SEC14L1: variants seen among roughly 807,000 people sequenced by gnomAD.
The protein encoded by SEC14L1 is SEC14 like lipid binding 1.
A neutral mutation model predicts 85.3 loss-of-function variants in SEC14L1; 48 were observed. The ratio of observed to expected loss-of-function variants is 0.56; its 90% CI spans 0.45 to 0.72. The LOEUF (loss-of-function observed/expected upper bound fraction) is 0.72. Among genes scored for constraint, SEC14L1 ranks in the 30% least tolerant of loss-of-function variants. The pLI, the probability that SEC14L1 is intolerant of heterozygous loss-of-function variation, is 0.00. For synonymous variants in SEC14L1, 391 were observed against 355.5 expected (o/e 1.10, Z -1.12); for missense variants, 682 against 921.4 (o/e 0.74, Z 3.36).
At chr17:77,133,065 G>T (rs1353738914) in intron 3 of SEC14L1, among the ~76,000 whole-genome samples, 1 of 151,946 alleles carries the variant, frequency 6.6e-6, no homozygotes, top group South Asian at 2.1e-4. Flanking sequence ...TAGAGACAAG[G>T]TCTCACTATG....
intron 3 of SEC14L1, among the ~76,000 whole-genome samples, chr17:77,125,292 C>T (rs115404667): frequency 0.017 from 2,647 of 151,722 alleles, 81 homozygotes; most frequent in African/African-American, 0.061. Context: ...CCACCTTGCC[C>T]GGACAGAATA....
rs184835205 is a variant in SEC14L1 at position 77,216,780 on chromosome 17, C to G, written c.*2757C>G. On this transcript the variant is annotated 3_prime_UTR_variant, in exon 17 of 17. Coordinates refer to ENST00000436233, the MANE Select transcript of SEC14L1 (RefSeq NM_001143998.2). The stretch of plus-strand genomic sequence containing the variant: ...CACAAATGCTTACAGGGTTTCCTCC[C>G]GAGTAATCCAATCTCACTCCCCTTG... The G allele has an allele frequency of 2.6e-6, 2 of 760,834 alleles. No homozygotes were observed. Among genetic ancestry groups the G allele is most frequent in the Non-Finnish European group, 4.1e-6 (2 of 490,258 alleles). The allele number at this position is 760,834 out of a possible 1,614,324, so 47.1% of individuals were successfully genotyped here. A position where few individuals can be genotyped will look rare whatever the true frequency, so the allele number is the denominator to read the frequency against.
Position 77,215,134 on chromosome 17 carries a change from G to C in SEC14L1, c.*1111G>C. 1 of 985,508 alleles carries C rather than the reference G, an allele frequency of 1.0e-6. No individual in the cohort carries two copies. The highest frequency in any genetic ancestry group is 5.2e-4 in the Middle Eastern group (1 of 1,916). The allele number at this position is 985,508 out of a possible 1,614,324, so 61.0% of individuals were successfully genotyped here. A position where few individuals can be genotyped will look rare whatever the true frequency, so the allele number is the denominator to read the frequency against. On this transcript the variant is annotated 3_prime_UTR_variant, in exon 17 of 17. Transcript: ENST00000436233. ...TGGGGGTGCTGGGGGGACGGGGTGAGTGGAAACTTAGTTTGAGTAATGAAG... is the reference window on the plus strand; with the variant it reads ...TGGGGGTGCTGGGGGGACGGGGTGACTGGAAACTTAGTTTGAGTAATGAAG...
intron 3 of SEC14L1, among the ~76,000 whole-genome samples, chr17:77,147,928 G>A (rs998384568): frequency 7.9e-5 from 12 of 152,152 alleles, no homozygotes; most frequent in Non-Finnish European, 1.5e-4. Context: ...GCGGGGAGGA[G>A]AAATTAATCA....
intron 3 of SEC14L1, among the ~76,000 whole-genome samples, chr17:77,098,118 T>C (rs1267910937): frequency 3.3e-5 from 5 of 152,220 alleles, no homozygotes; most frequent in Non-Finnish European, 7.3e-5. Context: ...GCCTTTTCTC[T>C]GAATAGTGTC....
intron 14 of SEC14L1, 126 bp from the exon 15 acceptor site, chr17:77,211,824 G>A (rs559693288): frequency 6.7e-5 from 79 of 1,182,684 alleles, no homozygotes; most frequent in Admixed American, 5.5e-4. Context: ...CCGTCCATAC[G>A]CATTCAGCGT....
At chr17:77,120,558 C>A (rs957685563) in intron 3 of SEC14L1, among the ~76,000 whole-genome samples, 1 of 151,946 alleles carries the variant, frequency 6.6e-6, no homozygotes, top group Non-Finnish European at 1.5e-5. Context: ...CTCACTGTAA[C>A]CTCTGCCTCC....
rs759980906 is a variant in SEC14L1, at chr17:77,209,390, G to C, written c.1525G>C (p.Ala509Pro). 3.1e-6 allele frequency: 5 copies of C among 1,614,142 alleles called. No individual in the cohort carries two copies. The highest frequency in any genetic ancestry group is 1.7e-6 in the Non-Finnish European group (2 of 1,179,996). ...GGTCCCCAAATCTCTGTACCGGACTGCAGAGGAGCTGGAGAACGAAGACCT... is the reference window on the plus strand; with the variant it reads ...GGTCCCCAAATCTCTGTACCGGACTCCAGAGGAGCTGGAGAACGAAGACCT... ...GLVPKSLYRT[A>P]EELENEDLKL... Residue 509 changes from alanine to proline, a missense_variant, in exon 14 of 17, where the codon GCA (alanine) becomes CCA (proline). Coordinates refer to ENST00000436233, the MANE Select transcript of SEC14L1 (RefSeq NM_001143998.2).
chr17:77,180,463 G>A (rs140333667), intron 3 of SEC14L1, among the ~76,000 whole-genome samples: 2,224 of 152,156 alleles, frequency 0.015, 50 homozygotes, highest in Admixed American at 0.041. Context: ...CTTTCACCCC[G>A]TTGGGAGTGC....
intron 3 of SEC14L1, among the ~76,000 whole-genome samples, chr17:77,149,511 C>T (rs561446066): frequency 6.6e-6 from 1 of 152,142 alleles, no homozygotes; most frequent in South Asian, 2.1e-4. Flanking sequence ...ACTTGGGCAA[C>T]ATAGCAAGAT....
At chr17:77,164,934 G>A (rs898716258) in intron 3 of SEC14L1, among the ~76,000 whole-genome samples, 1 of 152,164 alleles carries the variant, frequency 6.6e-6, no homozygotes, top group Non-Finnish European at 1.5e-5. Flanking sequence ...TGAGCAATTC[G>A]CTTCCTGACA....
upstream of SEC14L1, among the ~76,000 whole-genome samples, chr17:77,139,521 G>A (rs1212385213): frequency 4.8e-5 from 7 of 145,014 alleles, no homozygotes; most frequent in South Asian, 2.2e-4. Flanking sequence ...TTTTTGGGAC[G>A]GAGTCTCGCT....
intron 3 of SEC14L1, among the ~76,000 whole-genome samples, chr17:77,168,131 A>G (rs1049335278): frequency 1.3e-5 from 2 of 152,162 alleles, no homozygotes; most frequent in Non-Finnish European, 2.9e-5. Context: ...CCATTACGGT[A>G]CGGGGCATGT....
intron 3 of SEC14L1, among the ~76,000 whole-genome samples, chr17:77,108,057 G>C (rs60556490): frequency 0.25 from 38,721 of 151,868 alleles, 6,042 homozygotes; most frequent in East Asian, 0.42. Flanking sequence ...ATAAATGTTT[G>C]TGTCAGTTTT....
upstream of SEC14L1, among the ~76,000 whole-genome samples, chr17:77,137,623 C>G (rs186208896): frequency 7.4e-4 from 112 of 152,290 alleles, 1 homozygote; most frequent in African/African-American, 2.6e-3. Context: ...GGAATAAGAC[C>G]ACCTGCATCC....
In SEC14L1 at chr17:77,216,610, A is replaced by T; in HGVS notation, c.*2587A>T. ...CACTCAACAGTCCTCATGTGCCCAG[A>T]GATGTTTATAGAACTGTTTGAATTG... On this transcript the variant is annotated 3_prime_UTR_variant, in exon 17 of 17. Coordinates refer to ENST00000436233, the MANE Select transcript of SEC14L1 (RefSeq NM_001143998.2). 6.2e-7 allele frequency: 1 copy of T among 1,613,232 alleles called. No individual in the cohort carries two copies. Among genetic ancestry groups the T allele is most frequent in the Non-Finnish European group, 8.5e-7 (1 of 1,179,398 alleles).
chr17:77,160,912 C>T (rs769136449), intron 3 of SEC14L1, among the ~76,000 whole-genome samples: 3 of 152,182 alleles, frequency 2.0e-5, no homozygotes, highest in Admixed American at 6.5e-5. Context: ...TGTGTTTGAG[C>T]GAACTATAGA....
chr17:77,160,372 TAGAG>T (rs1008366302), intron 3 of SEC14L1, among the ~76,000 whole-genome samples: 14 of 152,246 alleles, frequency 9.2e-5, no homozygotes, highest in South Asian at 2.1e-4. Flanking sequence ...ATTTTGTTGT[TAGAG>T]AGAGATTTGT....
At chr17:77,105,688 C>T (rs1026560699) in intron 3 of SEC14L1, among the ~76,000 whole-genome samples, 11 of 152,092 alleles carry the variant, frequency 7.2e-5, no homozygotes, top group Non-Finnish European at 1.2e-4. Flanking sequence ...TTCATGTACA[C>T]CAGAGTTCAC....
Sources: allele counts gnomAD v4.1 joint callset (sites outside exome capture counted in the v4.1 genomes callset), GRCh38; gene constraint gnomAD v4.1.1; transcripts MANE v1.5; gene names NCBI Gene and HGNC (gene_info 2026-07-23, HGNC 2026-07-21).